Variants in NAV3 observed in about 807,000 individuals in gnomAD.
NAV3 encodes the protein pore membrane and/or filament interacting like protein 1.
NAV3 carries 87 observed loss-of-function variants against 244.7 expected under a neutral mutation model. The observed-to-expected ratio is 0.36, with a 90% CI of 0.30 to 0.42. The LOEUF (loss-of-function observed/expected upper bound fraction) is 0.42, where lower values mean the gene tolerates loss of function less well. Ranked by LOEUF, NAV3 falls within the 20% of genes least tolerant of loss-of-function variation. NAV3 has a pLI of 1.00. For missense variants in NAV3, 2,663 were observed against 2,893.3 expected, an observed-to-expected ratio of 0.92 and a Z score of 1.83; for synonymous variants, 1,126 against 1,042.2, an observed-to-expected ratio of 1.08 and a Z score of -1.55.
At chr12:78,166,639 A>G (rs1957792755) in intron 23 of NAV3, among the ~76,000 whole-genome samples, 2 of 151,836 alleles carry the variant, frequency 1.3e-5, no homozygotes, top group African/African-American at 4.8e-5. Flanking sequence ...GGTTTTTAAA[A>G]GATAATTAAT....
chr12:77,740,010 GAAT>G (rs1868298999), intron 2 of NAV3, among the ~76,000 whole-genome samples: 1 of 152,116 alleles, frequency 6.6e-6, no homozygotes, highest in Non-Finnish European at 1.5e-5. Flanking sequence ...ATGTGAATTA[GAAT>G]AATTTCTTCA....
chr12:77,734,968 C>G (rs981074521), intron 2 of NAV3, among the ~76,000 whole-genome samples: 3 of 152,078 alleles, frequency 2.0e-5, no homozygotes, highest in African/African-American at 7.2e-5. Flanking sequence ...AGATATAATT[C>G]ATTTCACCAA....
At chr12:78,059,227 A>G in intron 12 of NAV3, 112 bp downstream of exon 12, 1 of 927,366 alleles carries the variant, frequency 1.1e-6, no homozygotes, top group Non-Finnish European at 1.5e-6. Context: ...TTTTATTTTG[A>G]TAAATAATTA....
chr12:78,180,213 C>T (rs1958441400), intron 29 of NAV3, among the ~76,000 whole-genome samples: 1 of 152,176 alleles, frequency 6.6e-6, no homozygotes, highest in African/African-American at 2.4e-5. Flanking sequence ...CAGAACCAGT[C>T]TGTGCTCAGA....
chr12:77,861,055 C>G (rs539413318), intron 1 of NAV3, among the ~76,000 whole-genome samples: 5 of 151,882 alleles, frequency 3.3e-5, no homozygotes, highest in African/African-American at 1.2e-4. Flanking sequence ...GAAATTTGTC[C>G]CGAGCATTCA....
intron 2 of NAV3, among the ~76,000 whole-genome samples, chr12:77,772,679 T>C (rs576994126): frequency 7.9e-5 from 12 of 152,288 alleles, no homozygotes; most frequent in African/African-American, 2.6e-4. Flanking sequence ...GAGGTTCTAT[T>C]TCTGTGGGTA....
At chr12:78,196,819 T>A (rs1025373164) in intron 34 of NAV3, among the ~76,000 whole-genome samples, 2 of 151,966 alleles carry the variant, frequency 1.3e-5, no homozygotes, top group African/African-American at 4.8e-5. Context: ...CATTTTGAAT[T>A]TAGTTCATAC....
intron 2 of NAV3, among the ~76,000 whole-genome samples, chr12:77,824,011 T>C (rs1290008114): frequency 6.6e-6 from 1 of 151,992 alleles, no homozygotes; most frequent in Non-Finnish European, 1.5e-5. Context: ...TTAAATAATA[T>C]AGAGGTAAAG....
chr12:77,819,252 A>G (rs1872637606), intron 2 of NAV3, among the ~76,000 whole-genome samples: 1 of 151,874 alleles, frequency 6.6e-6, no homozygotes, highest in African/African-American at 2.4e-5. Flanking sequence ...TTTCACGTTT[A>G]CCCTTCACTC....
intron 2 of NAV3, among the ~76,000 whole-genome samples, chr12:77,645,751 T>C (rs899954489): frequency 6.6e-6 from 1 of 152,066 alleles, no homozygotes; most frequent in African/African-American, 2.4e-5. Context: ...CCTAGGTTAT[T>C]TGCAAGACGG....
At chr12:78,178,168 T>C (rs1017004791) in intron 28 of NAV3, among the ~76,000 whole-genome samples, 2 of 151,468 alleles carry the variant, frequency 1.3e-5, no homozygotes, top group East Asian at 3.9e-4. Flanking sequence ...GTGTTTTTTT[T>C]TTTTTTTTTG....
At chr12:78,113,201 T>C (rs1955191759) in intron 12 of NAV3, among the ~76,000 whole-genome samples, 1 of 152,262 alleles carries the variant, frequency 6.6e-6, no homozygotes, top group Non-Finnish European at 1.5e-5. Context: ...GTTGAGTGCC[T>C]GCAGCTTTTC....
At chr12:78,010,290 C>A (rs185813909) in intron 8 of NAV3, among the ~76,000 whole-genome samples, 2 of 152,204 alleles carry the variant, frequency 1.3e-5, no homozygotes, top group Admixed American at 6.5e-5. Context: ...ACTGTTCTAT[C>A]CCCATGTAAG....
At chr12:78,196,588 A>C (rs1193983153) in intron 34 of NAV3, among the ~76,000 whole-genome samples, 1 of 152,044 alleles carries the variant, frequency 6.6e-6, no homozygotes, top group African/African-American at 2.4e-5. Context: ...TATCATATTT[A>C]GATTAAAAGC....
At chr12:78,017,292 C>T (rs917041317) in intron 8 of NAV3, among the ~76,000 whole-genome samples, 1 of 151,994 alleles carries the variant, frequency 6.6e-6, no homozygotes, top group African/African-American at 2.4e-5. Context: ...AGATGAAGGA[C>T]CTGGCTTATT....
chr12:78,064,423 CTGT>C (rs1169067672), intron 12 of NAV3, among the ~76,000 whole-genome samples: 16 of 143,682 alleles, frequency 1.1e-4, no homozygotes, highest in South Asian at 2.3e-4. Flanking sequence ...GTCTGTCTGT[CTGT>C]CTGCCTGCCT....
intron 9 of NAV3, among the ~76,000 whole-genome samples, chr12:78,044,055 T>C (rs932815409): frequency 3.3e-5 from 5 of 152,256 alleles, no homozygotes; most frequent in Non-Finnish European, 5.9e-5. Flanking sequence ...AGGGTTTTTA[T>C]GGTTTTAGGT....
chr12:77,808,582 C>T (rs559018061), intron 2 of NAV3, among the ~76,000 whole-genome samples: 27 of 152,294 alleles, frequency 1.8e-4, no homozygotes, highest in Admixed American at 5.2e-4. Context: ...AGATGCCAGC[C>T]AGAGCTCTCC....
chr12:77,993,987 G>A (rs138645004), intron 5 of NAV3, among the ~76,000 whole-genome samples: 180 of 152,214 alleles, frequency 1.2e-3, no homozygotes, highest in African/African-American at 4.1e-3. Context: ...AGAACTCTTA[G>A]GTAACGCAGA....
Sources: gnomAD v4.1 joint callset for allele counts (sites outside exome capture counted in the v4.1 genomes callset) on GRCh38, gnomAD v4.1.1 for gene constraint, MANE v1.5 for transcripts, NCBI Gene and HGNC (gene_info 2026-07-23, HGNC 2026-07-21) for gene names.